Variants in IGSF10 observed in about 807,000 individuals in gnomAD.
The protein encoded by IGSF10 is immunoglobulin superfamily member 10, also known as calvaria mechanical force protein 608.
A neutral mutation model predicts 128.2 loss-of-function variants in IGSF10; 126 were observed. The observed-to-expected ratio is 0.98, with a 90% CI of 0.85 to 1.14. The LOEUF (loss-of-function observed/expected upper bound fraction) is 1.14. Among genes scored for constraint, IGSF10 ranks in the 50% most tolerant of loss-of-function variants. The pLI is 0.00. For synonymous variants in IGSF10, 1,185 were observed against 1,146.2 expected (o/e 1.03, Z -0.68); for missense variants, 3,295 against 3,149.8 (o/e 1.05, Z -1.10).
At chr3:151,571,794 G>A in the IGSF10 span, among the ~76,000 whole-genome samples, 2,489 of 152,232 alleles carry the variant, frequency 0.016, 23 homozygotes, top group South Asian at 0.025. Flanking sequence ...TCCCTGTCTT[G>A]TGCCAGTTTT....
chr3:151,574,392 A>C, the IGSF10 span, among the ~76,000 whole-genome samples: 2 of 152,016 alleles, frequency 1.3e-5, no homozygotes, highest in Non-Finnish European at 2.9e-5. Flanking sequence ...ATAGTCCCAT[A>C]ATTTTTGGAG....
chr3:151,444,323 T>G (rs145055108), intron 6 of IGSF10, among the ~76,000 whole-genome samples: 1,766 of 152,310 alleles, frequency 0.012, 12 homozygotes, highest in Non-Finnish European at 0.017. Context: ...ATTTTATTTT[T>G]ATTGAGAGAG....
At chr3:151,469,742 G>T in the IGSF10 span, among the ~76,000 whole-genome samples, 3 of 152,100 alleles carry the variant, frequency 2.0e-5, no homozygotes, top group Admixed American at 2.0e-4. Context: ...ACTAAAATCT[G>T]AAGCAATTCA....
chr3:151,448,265 C>A lies in IGSF10; in HGVS notation c.1716G>T (p.Leu572Phe). Residue 572 changes from leucine (L) to phenylalanine (F), a missense_variant, in exon 6 of 8, where the codon TTG (leucine) becomes TTT (phenylalanine). By Grantham distance (22) the Leu-to-Phe change is conservative. Coordinates refer to ENST00000282466, the MANE Select transcript of IGSF10 (RefSeq NM_178822.5). ...LTYRITVVEP[L>F]VEAYQENGIH... The stretch of plus-strand genomic sequence containing the variant: ...TCCCATTTTCCTGATAGGCTTCGAC[C>A]AAAGGTTCTACCACAGTTATCCTAT... 6.2e-7 allele frequency: 1 copy of A among 1,614,170 alleles called. No homozygotes were observed. The highest frequency in any genetic ancestry group is 8.5e-7 in the Non-Finnish European group (1 of 1,180,018).
chr3:151,440,572 T>C (rs994843388), intron 7 of IGSF10: 3 of 456,636 alleles, frequency 6.6e-6, no homozygotes, highest in African/African-American at 2.0e-5. Context: ...TTTAGCAACT[T>C]GCCTTAGGTC....
the IGSF10 span, among the ~76,000 whole-genome samples, chr3:151,505,184 G>T: frequency 3.9e-5 from 6 of 152,178 alleles, no homozygotes; most frequent in African/African-American, 1.4e-4. Flanking sequence ...AAGAAAAGAG[G>T]TTTAATTGAC....
the IGSF10 span, among the ~76,000 whole-genome samples, chr3:151,484,294 GC>G: frequency 6.6e-6 from 1 of 152,188 alleles, no homozygotes; most frequent in Non-Finnish European, 1.5e-5. Flanking sequence ...AAAGGCAGCA[GC>G]CCCAGTCAGG....
the IGSF10 span, among the ~76,000 whole-genome samples, chr3:151,501,700 A>G: frequency 6.6e-6 from 1 of 152,142 alleles, no homozygotes; most frequent in Admixed American, 6.6e-5. Flanking sequence ...ACAAAATGAT[A>G]GTCAACAAAT....
intron 2 of IGSF10, 43 bp downstream of exon 2, chr3:151,460,218 G>T: frequency 1.8e-6 from 1 of 566,898 alleles, no homozygotes; most frequent in Non-Finnish European, 2.2e-6. Flanking sequence ...TCTCACAAAC[G>T]TAAGGCTGAA....
At chr3:151,541,448 G>T in the IGSF10 span, among the ~76,000 whole-genome samples, 1 of 152,090 alleles carries the variant, frequency 6.6e-6, no homozygotes, top group East Asian at 1.9e-4. Flanking sequence ...AATTTGCTAG[G>T]CCATAAATTC....
rs764217271 is a variant in IGSF10, at chr3:151,438,545, C to T, written c.6016G>A (p.Val2006Ile). Residue 2006 changes from valine to isoleucine, a missense_variant, in exon 8 of 8, where the codon GTA (valine) becomes ATA (isoleucine). Coordinates refer to ENST00000282466, the MANE Select transcript of IGSF10 (RefSeq NM_178822.5). ...YPNGSLFIGS[V>I]TEKDSGVYLC... ...TAGACACCACTGTCTTTTTCTGTTA[C>T]TGATCCAATAAACAGGGATCCATTA... 14 of 1,613,782 alleles carry T rather than the reference C, an allele frequency of 8.7e-6. No homozygotes were observed. The Admixed American group carries it at 1.7e-4, about 19-fold the overall frequency.
chr3:151,460,816 C>T lies in IGSF10; in HGVS notation c.-89+130G>A, dbSNP rs374490355. ...CACCTTCTCCGGGTGCGTCTTCCCT[C>T]CCCCACCCTCAGCCCTCCCCGCCCC... On this transcript the variant is annotated intron_variant, in intron 1 of 7. Coordinates refer to ENST00000282466, the MANE Select transcript of IGSF10 (RefSeq NM_178822.5). 3.9e-5 allele frequency: 20 copies of T among 515,994 alleles called. No homozygotes were observed. In the East Asian group the frequency reaches 2.6e-3, roughly 66 times the overall value. 32.0% of individuals were successfully genotyped at this position (515,994 alleles called of 1,614,324 possible). A position where few individuals can be genotyped will look rare whatever the true frequency, so the allele number is the denominator to read the frequency against.
At chr3:151,502,448 C>G in the IGSF10 span, among the ~76,000 whole-genome samples, 2 of 151,940 alleles carry the variant, frequency 1.3e-5, no homozygotes, top group African/African-American at 4.8e-5. Context: ...TTTTGGCATG[C>G]TATTTGTAGA....
chr3:151,554,627 G>A, the IGSF10 span, among the ~76,000 whole-genome samples: 1 of 152,072 alleles, frequency 6.6e-6, no homozygotes, highest in African/African-American at 2.4e-5. Flanking sequence ...CATTAAACAT[G>A]TATTTTTATC....
the IGSF10 span, among the ~76,000 whole-genome samples, chr3:151,514,925 T>A: frequency 6.6e-6 from 1 of 152,060 alleles, no homozygotes; most frequent in Non-Finnish European, 1.5e-5. Context: ...GAGATACCAT[T>A]TCCCACCAGT....
chr3:151,442,598 G>A (rs1187029985), intron 7 of IGSF10, among the ~76,000 whole-genome samples: 4 of 135,440 alleles, frequency 3.0e-5, no homozygotes, highest in African/African-American at 8.6e-5. Context: ...CATGTTGGCC[G>A]AGCTGGTCCT....
chr3:151,619,708 G>C, the IGSF10 span, among the ~76,000 whole-genome samples: 1 of 152,186 alleles, frequency 6.6e-6, no homozygotes, highest in Non-Finnish European at 1.5e-5. Context: ...CGGCAGGGTT[G>C]AGAGGTGGAA....
chr3:151,438,825 TA>T (rs1720647598), intron 7 of IGSF10, among the ~76,000 whole-genome samples: 1 of 4,724 alleles, frequency 2.1e-4, no homozygotes, highest in African/African-American at 7.1e-4. Flanking sequence ...CATTTTGAGA[TA>T]TATATATATA....
chr3:151,617,246 CTCT>C, the IGSF10 span, among the ~76,000 whole-genome samples: 1 of 109,530 alleles, frequency 9.1e-6, no homozygotes, highest in African/African-American at 4.2e-5. Flanking sequence ...CTTCCTCCTC[CTCT>C]TCTTCTCCTT....
Sources: gnomAD v4.1 joint callset for allele counts (sites outside exome capture counted in the v4.1 genomes callset) on GRCh38, gnomAD v4.1.1 for gene constraint, MANE v1.5 for transcripts, NCBI Gene and HGNC (gene_info 2026-07-23, HGNC 2026-07-21) for gene names.